ANKS3: variants seen among roughly 807,000 people sequenced by gnomAD.
ANKS3 encodes the protein ankyrin repeat and SAM domain-containing protein 3.
Under a neutral mutation model 80.7 loss-of-function variants are expected in ANKS3, and 62 were observed. The observed-to-expected ratio is 0.77, with a 90% CI of 0.63 to 0.95. ANKS3 has a LOEUF of 0.95. ANKS3 is among the 40% of genes least tolerant of loss of function. The pLI, the probability that ANKS3 is intolerant of heterozygous loss-of-function variation, is 0.00. For missense variants in ANKS3, 1,150 were observed against 883.6 expected (o/e 1.30, Z -3.82); for synonymous variants, 489 against 355.3 (o/e 1.38, Z -4.23).
chr16:4,721,633 T>TATTTATTG (rs1555474797), intron 6 of ANKS3, among the ~76,000 whole-genome samples: 2 of 58,644 alleles, frequency 3.4e-5, no homozygotes, highest in Non-Finnish European at 1.2e-4. Context: ...TTGATTTATT[T>TATTTATTG]ATTTATTTAT....
rs146798732 is a variant in ANKS3 at position 4,714,083 on chromosome 16, G to T, written c.677C>A (p.Pro226His). The T allele has an allele frequency of 6.2e-7, 1 of 1,614,206 alleles. No homozygotes were observed. ...CCGATAGAGGCTCTTGGGCAGAGAG[G>T]GCGAGTAAGTGTCCATCAAGGCCAC... is the stretch of plus-strand genomic sequence containing the variant. The part of the protein sequence containing the change: ...KIVALMDTYS[P>H]SLPKSLYRSP... Residue 226 changes from proline to histidine, a missense_variant, in exon 7 of 18, where the codon CCC (proline) becomes CAC (histidine). Coordinates refer to ENST00000304283, the MANE Select transcript of ANKS3 (RefSeq NM_133450.4).
intron 7 of ANKS3, among the ~76,000 whole-genome samples, chr16:4,709,611 C>A (rs953641992): frequency 1.3e-5 from 2 of 152,124 alleles, no homozygotes; most frequent in Admixed American, 6.6e-5. Context: ...TTTATATACA[C>A]AATTGAATAT....
intron 10 of ANKS3, 91 bp from the exon 11 acceptor site, chr16:4,701,225 CT>C: frequency 1.3e-6 from 2 of 1,571,076 alleles, no homozygotes; most frequent in African/African-American, 2.7e-5. Flanking sequence ...GCTTGAGAGG[CT>C]TCGTGAAACC....
At chr16:4,723,823 G>C (rs2142138832) in intron 6 of ANKS3, among the ~76,000 whole-genome samples, 1 of 152,204 alleles carries the variant, frequency 6.6e-6, no homozygotes, top group African/African-American at 2.4e-5. Context: ...TTGGGAGGCT[G>C]AGGTGATCGC....
At chr16:4,726,302 A>G (rs1375069753) in intron 5 of ANKS3, among the ~76,000 whole-genome samples, 1 of 146,524 alleles carries the variant, frequency 6.8e-6, no homozygotes, top group Non-Finnish European at 1.5e-5. Flanking sequence ...GCATCACCTC[A>G]CCTCATCCAT....
At chr16:4,712,568 G>C (rs1369354431) in intron 7 of ANKS3, among the ~76,000 whole-genome samples, 1 of 152,150 alleles carries the variant, frequency 6.6e-6, no homozygotes, top group South Asian at 2.1e-4. Context: ...TCTACCATAT[G>C]AAAATTCACC....
chr16:4,704,034 C>T (rs938939112), intron 8 of ANKS3, among the ~76,000 whole-genome samples: 4 of 152,246 alleles, frequency 2.6e-5, no homozygotes, highest in Non-Finnish European at 5.9e-5. Context: ...TCAGAACGAC[C>T]AGCCCGGTGT....
At chr16:4,697,518 A>T in intron 15 of ANKS3, 102 bp from the exon 16 acceptor site, 1 of 968,624 alleles carries the variant, frequency 1.0e-6, no homozygotes, top group South Asian at 1.7e-5. Flanking sequence ...CTTGGATCAG[A>T]ACCTCCCTAC....
intron 6 of ANKS3, among the ~76,000 whole-genome samples, chr16:4,715,223 T>C (rs563545959): frequency 6.6e-6 from 1 of 151,916 alleles, no homozygotes; most frequent in East Asian, 1.9e-4. Flanking sequence ...GGTGGATCGC[T>C]CGGCTCAGGA....
At chr16:4,710,430 A>G (rs1280358060) in intron 7 of ANKS3, among the ~76,000 whole-genome samples, 3 of 152,184 alleles carry the variant, frequency 2.0e-5, no homozygotes, top group East Asian at 3.9e-4. Context: ...TTTCCAGGTC[A>G]GGTGCAGTAG....
chr16:4,699,293 G>A (rs1199799224), intron 11 of ANKS3, 117 bp from the exon 12 acceptor site: 5 of 1,398,948 alleles, frequency 3.6e-6, no homozygotes, highest in East Asian at 2.5e-5. Context: ...AGTGCCTTGT[G>A]TGTGGCGCCC....
rs1468131658 is a variant in ANKS3 at position 4,701,535 on chromosome 16, C to T, written c.1018G>A (p.Ala340Thr). The T allele has an allele frequency of 3.7e-6, 6 of 1,609,672 alleles. No homozygotes were observed. Among genetic ancestry groups the T allele is most frequent in the Non-Finnish European group, 4.2e-6 (5 of 1,177,776 alleles). ...SSSSSSREEH[A>T]FCANLGPVQS... is the part of the protein sequence containing the mutation. ...ACGGGCCCCAGGTTGGCACAGAAAG[C>T]ATGTTCCTCTGAGGGCGGGAAGACA... The change falls in exon 10 of 18, where the codon GCT becomes ACT. Residue 340 changes from alanine (A) to threonine (T), a missense_variant. Physicochemically the swap from Ala to Thr is moderately conservative, Grantham distance 58. Coordinates refer to ENST00000304283, the MANE Select transcript of ANKS3 (RefSeq NM_133450.4).
chr16:4,718,969 T>C (rs892348292), intron 6 of ANKS3, among the ~76,000 whole-genome samples: 13 of 152,328 alleles, frequency 8.5e-5, no homozygotes, highest in African/African-American at 2.6e-4. Flanking sequence ...AGAAAACATA[T>C]GCATGTTATA....
intron 7 of ANKS3, among the ~76,000 whole-genome samples, chr16:4,711,328 C>G (rs1192649532): frequency 6.6e-6 from 1 of 151,510 alleles, no homozygotes; most frequent in African/African-American, 2.4e-5. Flanking sequence ...GTCTCGAACT[C>G]CCGACCTCAG....
chr16:4,706,447 G>A (rs1017135193), intron 7 of ANKS3, among the ~76,000 whole-genome samples: 47 of 152,232 alleles, frequency 3.1e-4, no homozygotes, highest in South Asian at 2.1e-4. Context: ...ATGTTGGCCA[G>A]GCTGGTCTCG....
intron 6 of ANKS3, among the ~76,000 whole-genome samples, chr16:4,723,417 A>C (rs2081201371): frequency 6.6e-6 from 1 of 152,148 alleles, no homozygotes; most frequent in African/African-American, 2.4e-5. Flanking sequence ...ACTGAGCCGA[A>C]TGTTTTCCTT....
At chr16:4,729,900 G>T in intron 3 of ANKS3, 80 bp downstream of exon 3, 1 of 1,319,312 alleles carries the variant, frequency 7.6e-7, no homozygotes, top group Non-Finnish European at 9.9e-7. Context: ...CCACAACTGT[G>T]TGCAAAGCCC....
At chr16:4,701,688 C>T in intron 9 of ANKS3, 145 bp from the exon 10 acceptor site, 1 of 658,758 alleles carries the variant, frequency 1.5e-6, no homozygotes, top group Non-Finnish European at 2.6e-6. Context: ...CCTGCCTGTC[C>T]TAAACCCTCC....
At chr16:4,729,867 C>T in intron 3 of ANKS3, 113 bp downstream of exon 3, 1 of 1,084,480 alleles carries the variant, frequency 9.2e-7, no homozygotes, top group Non-Finnish European at 1.2e-6. Flanking sequence ...AGCAGGTTAA[C>T]CTATTCTACA....
Sources: gnomAD v4.1 joint callset for allele counts (sites outside exome capture counted in the v4.1 genomes callset) on GRCh38, gnomAD v4.1.1 for gene constraint, MANE v1.5 for transcripts, NCBI Gene and HGNC (gene_info 2026-07-23, HGNC 2026-07-21) for gene names.